Variants in DCDC1 observed in about 807,000 individuals in gnomAD.
DCDC1 encodes the protein doublecortin domain containing 1, also known as doublecortin domain-containing protein 1.
DCDC1 carries 200 observed loss-of-function variants against 178.3 expected under a neutral mutation model. The observed-to-expected ratio is 1.12, with a 90% CI of 1.00 to 1.26. The LOEUF is 1.26. Ranked by LOEUF, DCDC1 falls within the 50% of genes most tolerant of loss-of-function variation. DCDC1 has a pLI of 0.00. For synonymous variants in DCDC1, 690 were observed against 604.8 expected (o/e 1.14, Z -2.07); for missense variants, 1,983 against 1,749.2 (o/e 1.13, Z -2.38).
At chr11:31,245,715 T>A (rs1039759426) in intron 8 of DCDC1, among the ~76,000 whole-genome samples, 1 of 151,800 alleles carries the variant, frequency 6.6e-6, no homozygotes, top group African/African-American at 2.4e-5. Flanking sequence ...CATGCTTCTA[T>A]AGGAAAAGGC....
At position 31,164,586 on chromosome 11, in the gene DCDC1, G is replaced by GA. The variant is rs576302697; in HGVS notation, c.1222-26803dup. On this transcript the variant is annotated intron_variant, in intron 9 of 38. Transcript: ENST00000684477. ...AAAACGTAAAAAAAAATTAAAAATA[G>GA]AAAAAAGTTTATAGAAGGATATGAA... Among the ~76,000 whole-genome samples, 367 of 152,000 alleles carry GA rather than the reference G, an allele frequency of 2.4e-3. 1 individual carries two copies. The highest frequency in any genetic ancestry group is 8.3e-3 in the African/African-American group (345 of 41,482).
chr11:31,267,028 A>G (rs1484845591), intron 7 of DCDC1, among the ~76,000 whole-genome samples: 1 of 152,176 alleles, frequency 6.6e-6, no homozygotes. Context: ...ATAACTAATC[A>G]TGTCCCCATG....
intron 10 of DCDC1, among the ~76,000 whole-genome samples, chr11:31,136,579 C>A (rs963645655): frequency 6.6e-6 from 1 of 152,038 alleles, no homozygotes; most frequent in Admixed American, 6.5e-5. Flanking sequence ...AGCTTGAATG[C>A]ATTTATTTAC....
intron 27 of DCDC1, among the ~76,000 whole-genome samples, chr11:30,913,323 G>A (rs1324142090): frequency 9.2e-5 from 14 of 151,890 alleles, no homozygotes; most frequent in Non-Finnish European, 1.5e-5. Context: ...GCAGGAGAAT[G>A]GCATGAACCC....
chr11:31,121,167 G>C (rs965574065), intron 11 of DCDC1, among the ~76,000 whole-genome samples: 5 of 152,014 alleles, frequency 3.3e-5, no homozygotes, highest in African/African-American at 1.2e-4. Flanking sequence ...CAACTTACAA[G>C]GTGCTATGAC....
intron 9 of DCDC1, among the ~76,000 whole-genome samples, chr11:31,141,936 C>T (rs1386330751): frequency 2.6e-5 from 4 of 152,138 alleles, no homozygotes; most frequent in Admixed American, 6.6e-5. Context: ...AAAAGAGCTC[C>T]GTATATAAAC....
chr11:30,934,048 G>A (rs1299666611), intron 21 of DCDC1, among the ~76,000 whole-genome samples: 1 of 152,132 alleles, frequency 6.6e-6, no homozygotes, highest in African/African-American at 2.4e-5. Context: ...CACTCAGCTG[G>A]TGGCATCAAA....
chr11:30,957,528 CTAAAG>C (rs1449923780), intron 20 of DCDC1, among the ~76,000 whole-genome samples: 4 of 152,244 alleles, frequency 2.6e-5, no homozygotes, highest in Admixed American at 2.0e-4. Context: ...CCCAATTGTA[CTAAAG>C]TTATCTGAGG....
chr11:31,253,778 A>T (rs1944230523), intron 8 of DCDC1, among the ~76,000 whole-genome samples: 2 of 152,230 alleles, frequency 1.3e-5, no homozygotes, highest in Admixed American at 1.3e-4. Context: ...GCAGCAACAT[A>T]TAACTAATAC....
intron 17 of DCDC1, among the ~76,000 whole-genome samples, chr11:31,084,361 T>C (rs886940922): frequency 1.3e-5 from 2 of 152,122 alleles, no homozygotes; most frequent in East Asian, 3.9e-4. Flanking sequence ...TTATTGTTAT[T>C]TATAATAAAA....
intron 20 of DCDC1, among the ~76,000 whole-genome samples, chr11:31,009,827 G>T (rs911963858): frequency 6.6e-6 from 1 of 152,092 alleles, no homozygotes; most frequent in Non-Finnish European, 1.5e-5. Flanking sequence ...CCACATTGCT[G>T]GGGAGGCCTC....
chr11:31,252,733 A>G (rs973717562), intron 8 of DCDC1, among the ~76,000 whole-genome samples: 1 of 152,156 alleles, frequency 6.6e-6, no homozygotes, highest in African/African-American at 2.4e-5. Flanking sequence ...ATTCAAATAT[A>G]TGAAAGGCAA....
chr11:30,937,432 CTTTT>C (rs1246199114), intron 21 of DCDC1, among the ~76,000 whole-genome samples: 1 of 152,162 alleles, frequency 6.6e-6, no homozygotes, highest in East Asian at 1.9e-4. Flanking sequence ...GGGGGATCAC[CTTTT>C]CTTCCATCCA....
chr11:31,227,175 AG>A (rs1975085169), intron 9 of DCDC1, among the ~76,000 whole-genome samples: 1 of 152,144 alleles, frequency 6.6e-6, no homozygotes, highest in Non-Finnish European at 1.5e-5. Flanking sequence ...GGAATGACAG[AG>A]GTTGGATAGT....
chr11:30,878,055 G>T (rs1225006378), intron 38 of DCDC1, among the ~76,000 whole-genome samples: 1 of 152,092 alleles, frequency 6.6e-6, no homozygotes, highest in African/African-American at 2.4e-5. Context: ...ATCCACCGAA[G>T]ATAGTTATTT....
chr11:30,878,222 G>A (rs1224210597), intron 38 of DCDC1, among the ~76,000 whole-genome samples: 1 of 152,134 alleles, frequency 6.6e-6, no homozygotes, highest in African/African-American at 2.4e-5. Context: ...TGATGTCGAG[G>A]TGGGAGGATT....
chr11:31,223,386 A>T (rs952842146), intron 9 of DCDC1, among the ~76,000 whole-genome samples: 1 of 152,130 alleles, frequency 6.6e-6, no homozygotes, highest in Admixed American at 6.6e-5. Flanking sequence ...GAATCTTATA[A>T]ATTGCTGGTG....
At chr11:31,046,719 G>A (rs16921708) in intron 20 of DCDC1, among the ~76,000 whole-genome samples, 2,295 of 151,358 alleles carry the variant, frequency 0.015, 52 homozygotes, top group African/African-American at 0.052. Flanking sequence ...GACCTACCTC[G>A]TGATGAGAGC....
chr11:30,920,739 C>T, intron 25 of DCDC1, 37 bp downstream of exon 25: 1 of 1,605,886 alleles, frequency 6.2e-7, no homozygotes, highest in Non-Finnish European at 8.5e-7. Context: ...GTTCAAAAAG[C>T]AGCCAGGTAG....
Sources: gnomAD v4.1 joint callset for allele counts (sites outside exome capture counted in the v4.1 genomes callset) on GRCh38, gnomAD v4.1.1 for gene constraint, MANE v1.5 for transcripts, NCBI Gene and HGNC (gene_info 2026-07-23, HGNC 2026-07-21) for gene names.